Variants in DDX24 observed in about 807,000 individuals in gnomAD.
DDX24 encodes the protein ATP-dependent RNA helicase DDX24.
Under a neutral mutation model 68.9 loss-of-function variants are expected in DDX24, and 24 were observed. That is an observed-to-expected ratio of 0.35 (90% confidence interval 0.25 to 0.49). The LOEUF (loss-of-function observed/expected upper bound fraction) is 0.49, where lower values mean the gene tolerates loss of function less well. Ranked by LOEUF, DDX24 falls within the 20% of genes least tolerant of loss-of-function variation. DDX24 has a pLI of 0.99. For synonymous variants in DDX24, 395 were observed against 385.2 expected (o/e 1.03, Z -0.30); for missense variants, 989 against 1,039.0 (o/e 0.95, Z 0.66).
chr14:94,053,590 G>A lies in DDX24; in HGVS notation c.2179-463C>T, dbSNP rs953900065. On this transcript the variant is annotated intron_variant, in intron 7 of 8. Transcript: ENST00000621632. ...AGCACTCTGGGAGGCCAAGGCGGGC[G>A]GATCACCTGAGGTCAGGAGTTCAAG... Among the ~76,000 whole-genome samples the A allele has an allele frequency of 2.9e-4, 44 of 151,994 alleles. 1 individual carries two copies. The highest frequency in any genetic ancestry group is 5.1e-4 in the African/African-American group (21 of 41,528).
At chr14:94,057,750 T>C in intron 6 of DDX24, 72 bp downstream of exon 6, 2 of 1,445,292 alleles carry the variant, frequency 1.4e-6, no homozygotes, top group South Asian at 1.2e-5. Flanking sequence ...TCCTCCTCCC[T>C]CCCCCAACCT....
At chr14:94,076,005 G>C (rs1885931993) in intron 2 of DDX24, among the ~76,000 whole-genome samples, 1 of 152,188 alleles carries the variant, frequency 6.6e-6, no homozygotes, top group African/African-American at 2.4e-5. Flanking sequence ...GGACCAACTT[G>C]AACTCATACC....
At chr14:94,060,066 AG>A in intron 5 of DDX24, 31 bp downstream of exon 5, 1 of 1,567,408 alleles carries the variant, frequency 6.4e-7, no homozygotes, top group African/African-American at 1.4e-5. Flanking sequence ...AACTAACTAG[AG>A]GTTAAGCCTC....
chr14:94,059,234 T>G (rs934121359), intron 5 of DDX24, among the ~76,000 whole-genome samples: 4 of 152,240 alleles, frequency 2.6e-5, no homozygotes, highest in African/African-American at 9.6e-5. Flanking sequence ...GACAAAACAC[T>G]GGCAAAAGAC....
intron 2 of DDX24, among the ~76,000 whole-genome samples, chr14:94,075,231 T>A (rs1885913160): frequency 6.6e-6 from 1 of 152,200 alleles, no homozygotes; most frequent in Admixed American, 6.5e-5. Context: ...GTTAGAGGAC[T>A]CATACTACCT....
chr14:94,065,209 C>T (rs1885676213), intron 2 of DDX24, among the ~76,000 whole-genome samples: 1 of 151,966 alleles, frequency 6.6e-6, no homozygotes, highest in Non-Finnish European at 1.5e-5. Flanking sequence ...CCACCACACC[C>T]AAGTAACTTT....
intron 2 of DDX24, among the ~76,000 whole-genome samples, chr14:94,076,777 A>G (rs1567062612): frequency 7.1e-6 from 1 of 141,394 alleles, no homozygotes; most frequent in Non-Finnish European, 1.6e-5. Context: ...GAACTGAGGG[A>G]GGGAGGGAGG....
Position 94,079,130 on chromosome 14 carries a change from G to A in DDX24, c.613C>T (p.Arg205Ter). 1 of 1,614,174 alleles carries A rather than the reference G, an allele frequency of 6.2e-7. No homozygotes were observed. Among genetic ancestry groups the A allele is most frequent in the South Asian group, 1.1e-5 (1 of 91,072 alleles). ...GAGAAGCCTAGAAAGCTGAGTGCTC[G>A]GAGAACCGGCCTGGGAACAAACAGG... The part of the protein sequence containing the change: ...KDLFVPRPVL[R>*]ALSFLGFSAP... The change falls in exon 2 of 9, where the codon CGA (arginine) becomes TGA (stop). Residue 205 changes from arginine to a stop codon, truncating the protein, a stop_gained. Transcript: ENST00000621632. LOFTEE classifies it high-confidence loss of function.
intron 1 of DDX24, 23 bp from the exon 2 acceptor site, chr14:94,079,770 A>T: frequency 6.3e-7 from 1 of 1,599,940 alleles, no homozygotes; most frequent in Non-Finnish European, 8.5e-7. Context: ...TACATGTTCT[A>T]TTAGGTTGGT....
intron 2 of DDX24, among the ~76,000 whole-genome samples, chr14:94,076,384 C>T (rs1215384510): frequency 6.6e-6 from 1 of 152,064 alleles, no homozygotes; most frequent in African/African-American, 2.4e-5. Context: ...ATATAAAATT[C>T]TAGAAAACGC....
At chr14:94,078,113 C>T (rs1229235098) in intron 2 of DDX24, among the ~76,000 whole-genome samples, 1 of 151,646 alleles carries the variant, frequency 6.6e-6, no homozygotes, top group African/African-American at 2.4e-5. Flanking sequence ...TAACAATTTA[C>T]ATAAGACCTA....
In DDX24 at chr14:94,051,448, G is replaced by C. The variant is rs568654670; in HGVS notation, c.2323C>G (p.Gln775Glu). The change falls in exon 9 of 9, where the codon CAG (glutamine) becomes GAG (glutamate). Residue 775 changes from glutamine (Q) to glutamate (E), a missense_variant. By Grantham distance (29) the Gln-to-Glu change is conservative (BLOSUM62 2). This residue lies in a region of DDX24 where 691 missense variants were observed against 760.0 expected (regional missense o/e 0.91). Coordinates refer to ENST00000621632, the MANE Select transcript of DDX24 (RefSeq NM_020414.4). ...EDMYKGGKAD[Q>E]QEERRRQKQM... is the part of the protein sequence containing the mutation. ...TTTTGTCTCCGACGTTCTTCTTGCT[G>C]GTCAGCTTTTCCTCCTTGAAACACA... 1.0e-5 allele frequency: 16 copies of C among 1,556,274 alleles called. No individual in the cohort carries two copies. In the South Asian group the frequency reaches 1.5e-4, roughly 14 times the overall value.
At position 94,055,057 on chromosome 14, in the gene DDX24, A is replaced by G; in HGVS notation, c.2117T>C (p.Leu706Pro). The change falls in exon 7 of 9, where the codon CTC (leucine) becomes CCC (proline). Residue 706 changes from leucine (L) to proline (P), a missense_variant. Leu to Pro is a moderately conservative substitution (Grantham distance 98, BLOSUM62 -3). Coordinates refer to ENST00000621632, the MANE Select transcript of DDX24 (RefSeq NM_020414.4). ...CAGTGGGATATCCTCATCTTTCTTG[A>G]GCGTTTTGTAAATCTTCTTAAAGTT... ...VINFKKIYKT[L>P]KKDEDIPLFP... 1.2e-6 allele frequency: 2 copies of G among 1,614,162 alleles called. No homozygotes were observed. The highest frequency in any genetic ancestry group is 1.7e-6 in the Non-Finnish European group (2 of 1,180,024).
In DDX24 at chr14:94,062,557, C is replaced by T. The variant is rs1056354234; in HGVS notation, c.783G>A (p.Arg261=). ...MIHAVLQWQK[R]NAAPPPSNTE... ...TGTTACTTGGAGGAGGGGCAGCATTCCTCTTCTGCCACTGCAACACCGCAT... is the reference window on the plus strand; with the variant it reads ...TGTTACTTGGAGGAGGGGCAGCATTTCTCTTCTGCCACTGCAACACCGCAT... Residue 261 remains arginine, a synonymous_variant, in exon 3 of 9, where the codon AGG becomes AGA. Coordinates refer to ENST00000621632, the MANE Select transcript of DDX24 (RefSeq NM_020414.4). 1 of 1,614,110 alleles carries T rather than the reference C, an allele frequency of 6.2e-7. No homozygotes were observed. Among genetic ancestry groups the T allele is most frequent in the African/African-American group, 1.3e-5 (1 of 75,042 alleles).
chr14:94,074,213 A>T (rs1424144745), intron 2 of DDX24, among the ~76,000 whole-genome samples: 1 of 152,176 alleles, frequency 6.6e-6, no homozygotes, highest in African/African-American at 2.4e-5. Flanking sequence ...CTTTCAGAAA[A>T]CTGAACAGAA....
rs1174537753 is a variant in DDX24 at position 94,049,773 on chromosome 14, T to G, written c.*1418A>C. On this transcript the variant is annotated 3_prime_UTR_variant, in exon 9 of 9. Transcript: ENST00000621632. ...AGCCAGGTGTGGTGGTGTGTGCCTG[T>G]AGTCCCAGCTACTTGGGAGGCTGAG... 6.6e-6 allele frequency: 1 copy of G among 151,868 alleles called. No homozygotes were observed. The highest frequency in any genetic ancestry group is 1.5e-5 in the Non-Finnish European group (1 of 68,038). The allele number at this position is 151,868 out of a possible 1,614,324, so 9.4% of individuals were successfully genotyped here. A position where few individuals can be genotyped will look rare whatever the true frequency, so the allele number is the denominator to read the frequency against.
Position 94,079,316 on chromosome 14 carries a change from T to G in DDX24, c.427A>C (p.Thr143Pro). The change falls in exon 2 of 9, where the codon ACA (threonine) becomes CCA (proline). Residue 143 changes from threonine (T) to proline (P), a missense_variant. By Grantham distance (38) the Thr-to-Pro change is conservative (BLOSUM62 -1). This residue lies in a region of DDX24 where 295 missense variants were observed against 263.0 expected (regional missense o/e 1.12). Coordinates refer to ENST00000621632, the MANE Select transcript of DDX24 (RefSeq NM_020414.4). ...VCDDPEAGEM[T>P]SENLVQTAPK... The stretch of plus-strand genomic sequence containing the variant: ...GCAGTTTGGACCAGGTTTTCTGATG[T>G]CATCTCCCCAGCCTCCGGATCATCA... 1 of 1,614,162 alleles carries G rather than the reference T, an allele frequency of 6.2e-7. No homozygotes were observed. Among genetic ancestry groups the G allele is most frequent in the South Asian group, 1.1e-5 (1 of 91,086 alleles).
rs1885373217 is a variant in DDX24, at chr14:94,050,858, A to G, written c.*333T>C. On this transcript the variant is annotated 3_prime_UTR_variant, in exon 9 of 9. Transcript: ENST00000621632. The stretch of plus-strand genomic sequence containing the variant: ...AATCACTAAGTTAATAATGAAACAA[A>G]CTACACCACCACCCCCATCTTCTAT... The G allele has an allele frequency of 3.9e-6, 1 of 253,640 alleles. No homozygotes were observed. Among genetic ancestry groups the G allele is most frequent in the Non-Finnish European group, 7.4e-6 (1 of 135,216 alleles). The allele number at this position is 253,640 out of a possible 1,614,324, so 15.7% of individuals were successfully genotyped here.
intron 6 of DDX24, chr14:94,056,377 T>C (rs1037003292): frequency 1.3e-5 from 2 of 152,196 alleles, no homozygotes; most frequent in African/African-American, 4.8e-5. Flanking sequence ...CACTACTTCC[T>C]AAAGGCCAAT....
Sources: gnomAD v4.1 joint callset for allele counts (sites outside exome capture counted in the v4.1 genomes callset) on GRCh38, gnomAD v4.1.1 for gene constraint, gnomAD v4.1.1 regional missense constraint, MANE v1.5 for transcripts, NCBI Gene and HGNC (gene_info 2026-07-23, HGNC 2026-07-21) for gene names.